The following PRORP variants were observed in gnomAD, a reference collection of about 807,000 sequenced individuals.
The protein encoded by PRORP is protein only RNase P catalytic subunit.
Under a neutral mutation model 59.4 loss-of-function variants are expected in PRORP, and 51 were observed. That is an observed-to-expected ratio of 0.86 (90% CI 0.69 to 1.08). The LOEUF (loss-of-function observed/expected upper bound fraction) is 1.08. Among genes scored for constraint, PRORP ranks in the 50% least tolerant of loss-of-function variants. PRORP has a pLI of 0.00. For synonymous variants in PRORP, 231 were observed against 245.6 expected (o/e 0.94, Z 0.55); for missense variants, 646 against 690.3 (o/e 0.94, Z 0.72).
chr14:35,123,080 T>C lies in PRORP; in HGVS notation c.-166T>C. On this transcript the variant is annotated 5_prime_UTR_variant, in exon 2 of 8. Coordinates refer to ENST00000534898, the MANE Select transcript of PRORP (RefSeq NM_014672.4). ...ACTCACCTGCCTTCTTGCTTTTAAG[T>C]AGCCCCAAAAGCAGAACCTTGATTT... 1 of 704,426 alleles carries C rather than the reference T, an allele frequency of 1.4e-6. No homozygotes were observed. The highest frequency in any genetic ancestry group is 2.3e-6 in the Non-Finnish European group (1 of 434,048). 43.6% of individuals were successfully genotyped at this position (704,426 alleles called of 1,614,324 possible).
At chr14:35,262,934 T>G (rs1456392660) in intron 5 of PRORP, 3 of 1,593,974 alleles carry the variant, frequency 1.9e-6, no homozygotes, top group Non-Finnish European at 1.7e-6. Flanking sequence ...ATTTAGAGGC[T>G]TTGATTCAGC....
chr14:35,135,228 T>TA (rs1484053999), intron 4 of PRORP, among the ~76,000 whole-genome samples: 1 of 152,218 alleles, frequency 6.6e-6, no homozygotes, highest in African/African-American at 2.4e-5. Context: ...CTTTCAGTGA[T>TA]ACAAAGTTAA....
chr14:35,189,227 C>T (rs2048821789), intron 5 of PRORP, among the ~76,000 whole-genome samples: 1 of 151,910 alleles, frequency 6.6e-6, no homozygotes, highest in Admixed American at 6.6e-5. Context: ...TTGTATTTTG[C>T]TTAAAGTATT....
chr14:35,227,443 CAA>C (rs540951640), intron 5 of PRORP, among the ~76,000 whole-genome samples: 1 of 138,126 alleles, frequency 7.2e-6, no homozygotes. Context: ...GACTCTGTCT[CAA>C]AAAAAAAAAA....
intron 5 of PRORP, among the ~76,000 whole-genome samples, chr14:35,194,291 C>T (rs1443460823): frequency 6.6e-6 from 1 of 152,142 alleles, no homozygotes; most frequent in Non-Finnish European, 1.5e-5. Context: ...CCCAAATGCT[C>T]ATCAGTGATA....
At chr14:35,210,534 A>T (rs1376005272) in intron 5 of PRORP, among the ~76,000 whole-genome samples, 1 of 151,836 alleles carries the variant, frequency 6.6e-6, no homozygotes, top group Non-Finnish European at 1.5e-5. Flanking sequence ...CAGGAGTGGC[A>T]AGAATAGCTA....
chr14:35,246,345 A>G (rs998913280), intron 5 of PRORP, among the ~76,000 whole-genome samples: 4 of 152,268 alleles, frequency 2.6e-5, no homozygotes, highest in East Asian at 1.9e-4. Context: ...TCAGACTTCT[A>G]TCTCCTACCC....
chr14:35,239,199 T>C lies in PRORP; in HGVS notation c.1276-27528T>C, dbSNP rs1197335667. On this transcript the variant is annotated intron_variant, in intron 5 of 7. Coordinates refer to ENST00000534898, the MANE Select transcript of PRORP (RefSeq NM_014672.4). ...GGTGAAACCCCGTCTCTACTAAAAATACAAAAAAATTAGCCAGGTGTGGTG... is the reference window on the plus strand; with the variant it reads ...GGTGAAACCCCGTCTCTACTAAAAACACAAAAAAATTAGCCAGGTGTGGTG... Among the ~76,000 whole-genome samples the C allele has an allele frequency of 3.3e-5, 5 of 151,428 alleles. No homozygotes were observed. In the East Asian group the frequency reaches 9.7e-4, roughly 29 times the overall value.
intron 5 of PRORP, among the ~76,000 whole-genome samples, chr14:35,185,345 T>G (rs2048717479): frequency 6.6e-6 from 1 of 152,212 alleles, no homozygotes; most frequent in African/African-American, 2.4e-5. Context: ...TTTGTTCATG[T>G]CCTTTGCCCA....
intron 5 of PRORP, among the ~76,000 whole-genome samples, chr14:35,242,221 T>C (rs931221248): frequency 6.6e-6 from 1 of 152,196 alleles, no homozygotes; most frequent in Non-Finnish European, 1.5e-5. Context: ...GTAGTACCTA[T>C]CATATGTAGA....
intron 4 of PRORP, among the ~76,000 whole-genome samples, chr14:35,176,701 ACTT>A (rs2048460372): frequency 2.0e-5 from 3 of 152,114 alleles, no homozygotes; most frequent in Non-Finnish European, 4.4e-5. Flanking sequence ...GGACAATTTG[ACTT>A]CTTCTTTTCC....
At chr14:35,226,996 A>G (rs555890602) in intron 5 of PRORP, among the ~76,000 whole-genome samples, 1 of 151,980 alleles carries the variant, frequency 6.6e-6, no homozygotes, top group South Asian at 2.1e-4. Context: ...TCTGTCTCCC[A>G]AAGTTCTGGG....
chr14:35,256,915 C>T (rs540575749), intron 5 of PRORP, among the ~76,000 whole-genome samples: 1 of 150,222 alleles, frequency 6.7e-6, no homozygotes, highest in Non-Finnish European at 1.5e-5. Flanking sequence ...CTCTGTTGCC[C>T]AGGCTAGAGT....
At chr14:35,135,847 A>C (rs2047358209) in intron 4 of PRORP, among the ~76,000 whole-genome samples, 1 of 151,980 alleles carries the variant, frequency 6.6e-6, no homozygotes, top group Admixed American at 6.6e-5. Flanking sequence ...AGTCCCAGCT[A>C]CTAAGGAGGC....
At chr14:35,218,539 TTTG>T (rs1432382339) in intron 5 of PRORP, among the ~76,000 whole-genome samples, 28,508 of 62,778 alleles carry the variant, frequency 0.45, 6,365 homozygotes, top group East Asian at 0.61. Flanking sequence ...TTTTTTTTTT[TTTG>T]TTGAGACAGA....
chr14:35,209,447 G>A (rs556169730), intron 5 of PRORP, among the ~76,000 whole-genome samples: 8 of 152,252 alleles, frequency 5.3e-5, no homozygotes, highest in African/African-American at 1.9e-4. Context: ...ATCACAGCAA[G>A]CCCTAATTAT....
At chr14:35,227,408 C>T (rs1412281615) in intron 5 of PRORP, among the ~76,000 whole-genome samples, 2 of 151,790 alleles carry the variant, frequency 1.3e-5, no homozygotes, top group Admixed American at 6.6e-5. Context: ...CGCACCACTG[C>T]ACTCCAGCCT....
At chr14:35,258,184 G>T (rs998265640) in intron 5 of PRORP, among the ~76,000 whole-genome samples, 3 of 152,018 alleles carry the variant, frequency 2.0e-5, no homozygotes, top group Non-Finnish European at 4.4e-5. Flanking sequence ...TTGAGACAGG[G>T]TCTCACCATG....
chr14:35,262,893 C>T lies in PRORP; in HGVS notation c.1276-3834C>T, dbSNP rs1170487892. On this transcript the variant is annotated intron_variant, in intron 5 of 7. Coordinates refer to ENST00000534898, the MANE Select transcript of PRORP (RefSeq NM_014672.4). ...TCAAGCCCAGAAAGATGAATTAATCCTTGAAGGTAATGACATTGAGCTTGT... is the reference window on the plus strand; with the variant it reads ...TCAAGCCCAGAAAGATGAATTAATCTTTGAAGGTAATGACATTGAGCTTGT... 5.1e-6 allele frequency: 8 copies of T among 1,558,256 alleles called. No individual in the cohort carries two copies. In the Admixed American group the frequency reaches 6.7e-5, roughly 13 times the overall value.
Sources: allele counts gnomAD v4.1 joint callset (sites outside exome capture counted in the v4.1 genomes callset), GRCh38; gene constraint gnomAD v4.1.1; transcripts MANE v1.5; gene names NCBI Gene and HGNC (gene_info 2026-07-23, HGNC 2026-07-21).